The following ZBTB7C variants were observed in gnomAD, a reference collection of about 807,000 sequenced individuals.
ZBTB7C encodes the protein zinc finger and BTB domain containing 7C.
ZBTB7C carries 8 observed loss-of-function variants against 25.7 expected under a neutral mutation model. That is an observed-to-expected ratio of 0.31 (90% CI 0.18 to 0.56). The LOEUF is 0.56. Among genes scored for constraint, ZBTB7C ranks in the 20% least tolerant of loss-of-function variants. The pLI is 0.91. For synonymous variants in ZBTB7C, 394 were observed against 369.0 expected, an observed-to-expected ratio of 1.07 and a Z score of -0.78; for missense variants, 824 against 855.2, an observed-to-expected ratio of 0.96 and a Z score of 0.46.
intron 2 of ZBTB7C, among the ~76,000 whole-genome samples, chr18:48,309,574 C>A (rs963285947): frequency 6.6e-6 from 1 of 152,062 alleles, no homozygotes; most frequent in Admixed American, 6.6e-5. Flanking sequence ...CAGACCTATA[C>A]GATATGTTTT....
chr18:48,142,028 T>A (rs943963621), intron 3 of ZBTB7C, among the ~76,000 whole-genome samples: 17 of 152,274 alleles, frequency 1.1e-4, no homozygotes, highest in African/African-American at 3.9e-4. Context: ...GAACTGAAGC[T>A]AAGCTACACT....
chr18:48,176,724 C>T (rs2041693886), intron 3 of ZBTB7C, among the ~76,000 whole-genome samples: 1 of 151,992 alleles, frequency 6.6e-6, no homozygotes, highest in African/African-American at 2.4e-5. Context: ...CAAGGATATT[C>T]TTTGGATTAT....
intron 4 of ZBTB7C, among the ~76,000 whole-genome samples, chr18:48,032,636 C>T (rs1218446238): frequency 1.3e-5 from 2 of 151,690 alleles, no homozygotes; most frequent in Non-Finnish European, 2.9e-5. Context: ...CAGGGTTTCA[C>T]CATATTAGCC....
At chr18:48,379,541 T>C (rs996511463) in intron 1 of ZBTB7C, among the ~76,000 whole-genome samples, 1 of 152,156 alleles carries the variant, frequency 6.6e-6, no homozygotes. Flanking sequence ...TCATAGTGGA[T>C]CTATTTTTAT....
chr18:48,108,067 C>T (rs1029606967), intron 3 of ZBTB7C, among the ~76,000 whole-genome samples: 4 of 152,132 alleles, frequency 2.6e-5, no homozygotes, highest in African/African-American at 9.7e-5. Context: ...CTTCACATGG[C>T]GTCTGAGGCT....
At chr18:48,124,998 C>T (rs11662144) in intron 3 of ZBTB7C, among the ~76,000 whole-genome samples, 23,923 of 152,124 alleles carry the variant, frequency 0.16, 1,999 homozygotes, top group South Asian at 0.23. Context: ...AGAAACGCCA[C>T]GGTCACAGGC....
chr18:48,227,580 G>A (rs770960398), intron 2 of ZBTB7C, among the ~76,000 whole-genome samples: 1 of 152,160 alleles, frequency 6.6e-6, no homozygotes, highest in Non-Finnish European at 1.5e-5. Context: ...GTCAACGATT[G>A]TTTACACTGT....
chr18:48,062,750 G>A (rs1350020797), intron 3 of ZBTB7C, among the ~76,000 whole-genome samples: 2 of 152,206 alleles, frequency 1.3e-5, no homozygotes, highest in African/African-American at 4.8e-5. Flanking sequence ...AATGCTGTCC[G>A]CAAATATCTG....
chr18:48,212,167 C>A (rs12232559), intron 2 of ZBTB7C, among the ~76,000 whole-genome samples: 42,271 of 151,978 alleles, frequency 0.28, 6,592 homozygotes, highest in East Asian at 0.53. Context: ...CTAGCCTGGG[C>A]AACAGAGCAA....
At chr18:48,293,406 G>A (rs987249792) in intron 2 of ZBTB7C, among the ~76,000 whole-genome samples, 1 of 152,058 alleles carries the variant, frequency 6.6e-6, no homozygotes, top group African/African-American at 2.4e-5. Context: ...TAGGAATTAG[G>A]GTTTCAACAT....
chr18:48,087,404 A>G (rs559295235), intron 3 of ZBTB7C, among the ~76,000 whole-genome samples: 3 of 152,172 alleles, frequency 2.0e-5, no homozygotes, highest in Admixed American at 6.5e-5. Context: ...CCAATAAGCT[A>G]TGTTCTTATG....
chr18:48,298,217 T>A (rs1235814813), intron 2 of ZBTB7C, among the ~76,000 whole-genome samples: 1 of 150,920 alleles, frequency 6.6e-6, no homozygotes, highest in Non-Finnish European at 1.5e-5. Flanking sequence ...CAAGTGGAGG[T>A]TGCAGTGAGC....
At chr18:48,205,065 G>T (rs2042547518) in intron 2 of ZBTB7C, among the ~76,000 whole-genome samples, 1 of 152,076 alleles carries the variant, frequency 6.6e-6, no homozygotes, top group East Asian at 1.9e-4. Context: ...GATCCTCAGG[G>T]CCCTGGGGAC....
At chr18:48,115,391 G>A (rs1327186435) in intron 3 of ZBTB7C, among the ~76,000 whole-genome samples, 1 of 150,878 alleles carries the variant, frequency 6.6e-6, no homozygotes, top group Non-Finnish European at 1.5e-5. Flanking sequence ...TGGGACTACA[G>A]GCACCCGCCA....
At chr18:48,295,558 T>C (rs992481974) in intron 2 of ZBTB7C, among the ~76,000 whole-genome samples, 1 of 151,856 alleles carries the variant, frequency 6.6e-6, no homozygotes, top group Non-Finnish European at 1.5e-5. Context: ...CAGGCTAAGA[T>C]TGTTTTTAGC....
At chr18:48,136,488 C>A (rs1411114329) in intron 3 of ZBTB7C, among the ~76,000 whole-genome samples, 3 of 152,190 alleles carry the variant, frequency 2.0e-5, no homozygotes, top group Non-Finnish European at 2.9e-5. Context: ...TCGACTTTTG[C>A]CAAGTTGCCA....
chr18:48,229,888 G>A (rs752494800), intron 2 of ZBTB7C, among the ~76,000 whole-genome samples: 2 of 152,122 alleles, frequency 1.3e-5, no homozygotes, highest in South Asian at 4.1e-4. Flanking sequence ...TGGCCTCCAC[G>A]TGGTGGGGAA....
At chr18:48,225,503 C>T (rs1356649943) in intron 2 of ZBTB7C, among the ~76,000 whole-genome samples, 1 of 152,114 alleles carries the variant, frequency 6.6e-6, no homozygotes, top group African/African-American at 2.4e-5. Flanking sequence ...TTATTTCAAT[C>T]GTGCTTTCAA....
intron 3 of ZBTB7C, among the ~76,000 whole-genome samples, chr18:48,155,948 T>A (rs11082657): frequency 0.39 from 59,552 of 151,748 alleles, 13,168 homozygotes; most frequent in East Asian, 0.53. Flanking sequence ...ACAGACCCTA[T>A]AGACCCATAC....
Sources: allele counts gnomAD v4.1 joint callset (sites outside exome capture counted in the v4.1 genomes callset), GRCh38; gene constraint gnomAD v4.1.1; transcripts MANE v1.5; gene names NCBI Gene and HGNC (gene_info 2026-07-23, HGNC 2026-07-21).